VPS13A: variants seen among roughly 807,000 people sequenced by gnomAD.
VPS13A encodes vacuolar protein sorting 13 homolog A.
A neutral mutation model predicts 390.9 loss-of-function variants in VPS13A; 264 were observed. That is an observed-to-expected ratio of 0.68 (90% CI 0.61 to 0.75). The LOEUF (loss-of-function observed/expected upper bound fraction) is 0.75. VPS13A is among the 30% of genes least tolerant of loss of function. VPS13A has a pLI of 0.00. For synonymous variants in VPS13A, 1,231 were observed against 1,227.1 expected, an observed-to-expected ratio of 1.00 and a Z score of -0.07; for missense variants, 3,409 against 3,733.9, an observed-to-expected ratio of 0.91 and a Z score of 2.27.
intron 68 of VPS13A, among the ~76,000 whole-genome samples, chr9:77,386,018 AACTT>A (rs1453478704): frequency 7.2e-5 from 11 of 152,328 alleles, no homozygotes; most frequent in South Asian, 2.1e-4. Context: ...TTTGAAAACA[AACTT>A]ACTAATATGT....
At chr9:77,290,273 T>C (rs1329254122) in intron 31 of VPS13A, among the ~76,000 whole-genome samples, 1 of 152,210 alleles carries the variant, frequency 6.6e-6, no homozygotes. Flanking sequence ...ACACATACTT[T>C]TGATGAGAAA....
chr9:77,401,283 C>T (rs35848140), intron 68 of VPS13A, among the ~76,000 whole-genome samples: 3 of 151,496 alleles, frequency 2.0e-5, no homozygotes, highest in East Asian at 1.9e-4. Context: ...CACTTCTTAC[C>T]TCCTACCCCA....
chr9:77,287,445 G>A (rs1187075415), intron 31 of VPS13A, among the ~76,000 whole-genome samples: 1 of 151,838 alleles, frequency 6.6e-6, no homozygotes, highest in African/African-American at 2.4e-5. Flanking sequence ...TACCTGCCTC[G>A]GTCTCCCAAA....
intron 35 of VPS13A, among the ~76,000 whole-genome samples, chr9:77,309,877 GA>G (rs11413586): frequency 9.6e-5 from 14 of 146,258 alleles, no homozygotes; most frequent in South Asian, 8.6e-4. Context: ...TGAAGTTTCA[GA>G]AAAAAAAAAG....
chr9:77,404,019 A>C (rs1834492081), intron 69 of VPS13A, among the ~76,000 whole-genome samples: 1 of 152,208 alleles, frequency 6.6e-6, no homozygotes, highest in Non-Finnish European at 1.5e-5. Context: ...GGTGACTACT[A>C]AGCAGTCACT....
At chr9:77,295,303 G>A (rs1387605031) in intron 32 of VPS13A, among the ~76,000 whole-genome samples, 1 of 152,012 alleles carries the variant, frequency 6.6e-6, no homozygotes, top group East Asian at 1.9e-4. Context: ...ACATTCCAGT[G>A]ATCCCATTTA....
intron 31 of VPS13A, among the ~76,000 whole-genome samples, chr9:77,291,073 A>G (rs1299704230): frequency 1.3e-5 from 2 of 152,092 alleles, no homozygotes; most frequent in Non-Finnish European, 2.9e-5. Context: ...CCGGTCTGTG[A>G]CCTGTTAGGA....
chr9:77,238,947 A>G (rs1437249130), intron 19 of VPS13A, among the ~76,000 whole-genome samples: 1 of 152,110 alleles, frequency 6.6e-6, no homozygotes, highest in African/African-American at 2.4e-5. Flanking sequence ...TTCTAGCTCA[A>G]TGTATGATAT....
chr9:77,414,615 G>A (rs1448289374), intron 71 of VPS13A, among the ~76,000 whole-genome samples: 1 of 151,968 alleles, frequency 6.6e-6, no homozygotes, highest in Non-Finnish European at 1.5e-5. Context: ...AGGAGGGATA[G>A]CATTAGGAGA....
intron 47 of VPS13A, 35 bp from the exon 48 acceptor site, chr9:77,339,481 T>C: frequency 6.7e-7 from 1 of 1,501,982 alleles, no homozygotes; most frequent in South Asian, 1.3e-5. Context: ...TGCAACATTT[T>C]AAATTTTGTT....
intron 19 of VPS13A, among the ~76,000 whole-genome samples, chr9:77,240,551 C>T (rs1325617238): frequency 4.8e-5 from 7 of 145,802 alleles, no homozygotes; most frequent in African/African-American, 1.0e-4. Flanking sequence ...AATCTCGGCT[C>T]GCTGCAACCT....
chr9:77,197,663 A>G (rs1393551134), intron 1 of VPS13A, among the ~76,000 whole-genome samples: 1 of 152,178 alleles, frequency 6.6e-6, no homozygotes, highest in Non-Finnish European at 1.5e-5. Flanking sequence ...ACGTACATAT[A>G]CATAATGAGA....
At chr9:77,392,716 A>G (rs1029184319) in intron 68 of VPS13A, among the ~76,000 whole-genome samples, 12 of 150,136 alleles carry the variant, frequency 8.0e-5, no homozygotes, top group Non-Finnish European at 1.6e-4. Flanking sequence ...TTAAAAAACT[A>G]TATATACACT....
intron 44 of VPS13A, among the ~76,000 whole-genome samples, chr9:77,322,463 A>G (rs999971858): frequency 4.6e-5 from 7 of 151,960 alleles, no homozygotes; most frequent in Non-Finnish European, 1.5e-5. Flanking sequence ...TTGTGTTTCT[A>G]GTTAGAAAAT....
At chr9:77,324,294 A>G (rs1564729564) in intron 45 of VPS13A, among the ~76,000 whole-genome samples, 3 of 152,154 alleles carry the variant, frequency 2.0e-5, no homozygotes, top group Admixed American at 6.6e-5. Flanking sequence ...TATATTGCCT[A>G]TCACACTGGC....
rs1355938642 is a variant in VPS13A at position 77,307,992 on chromosome 9, T to G, written c.4008T>G (p.His1336Gln). Residue 1336 changes from histidine to glutamine, a missense_variant, in exon 35 of 72, where the codon CAT (histidine) becomes CAG (glutamine). This residue lies in a region of VPS13A where 2,717 missense variants were observed against 2,917.4 expected (regional missense o/e 0.93). Coordinates refer to ENST00000360280, the MANE Select transcript of VPS13A (RefSeq NM_033305.3). ...EDITTIFKTLHGNIWYEKDGS... is the reference protein window; with the variant it reads ...EDITTIFKTLQGNIWYEKDGS... Reference sequence around the variant, plus strand: ...TAACAACTATTTTTAAAACATTGCATGGCAATATATGGTATGAAAAAGATG... The same window carrying G: ...TAACAACTATTTTTAAAACATTGCAGGGCAATATATGGTATGAAAAAGATG... The G allele has an allele frequency of 5.6e-6, 9 of 1,603,254 alleles. No homozygotes were observed. Among genetic ancestry groups the G allele is most frequent in the Non-Finnish European group, 7.7e-6 (9 of 1,170,198 alleles).
rs201027855 is a variant in VPS13A at position 77,238,140 on chromosome 9, T to C, written c.1734T>C (p.Val578=). Residue 578 remains valine, a synonymous_variant, in exon 18 of 72, where the codon GTT becomes GTC. Coordinates refer to ENST00000360280, the MANE Select transcript of VPS13A (RefSeq NM_033305.3). The part of the protein sequence containing the change: ...TFEINPLDET[V]SQRCIIEAEP... ...AGATAAATCCATTAGATGAAACTGTTTCTCAGAGGTGTATCATAGAAGCTG... is the reference window on the plus strand; with the variant it reads ...AGATAAATCCATTAGATGAAACTGTCTCTCAGAGGTGTATCATAGAAGCTG... 4.3e-6 allele frequency: 7 copies of C among 1,613,828 alleles called. No individual in the cohort carries two copies. In the African/African-American group the frequency reaches 6.7e-5, roughly 15 times the overall value.
At position 77,220,384 on chromosome 9, in the gene VPS13A, G is replaced by GT; in HGVS notation, c.989+2dup. ...CTCTTCACCACCATGCCAGAGAATG[G>GT]TAAATGCCTTGATTTTTTTTTTTTT... On this transcript the variant is annotated splice_donor_variant, in intron 12 of 71. Coordinates refer to ENST00000360280, the MANE Select transcript of VPS13A (RefSeq NM_033305.3). LOFTEE classifies it high-confidence loss of function. The GT allele has an allele frequency of 6.3e-7, 1 of 1,588,398 alleles. No homozygotes were observed. The highest frequency in any genetic ancestry group is 8.6e-7 in the Non-Finnish European group (1 of 1,164,240).
Position 77,415,984 on chromosome 9 carries a change from G to C in VPS13A, c.9503G>C (p.Arg3168Thr), listed in dbSNP as rs1281402950. The stretch of plus-strand genomic sequence containing the variant: ...ATCCTCACAAAGCTACAAGAAGCAA[G>C]AGAACCTTCTCCGAGCCTCTGACAG... ...RWILTKLQEA[R>T]EPSPSL Residue 3168 changes from arginine (R) to threonine (T), a missense_variant, in exon 72 of 72, where the codon AGA (arginine) becomes ACA (threonine). Arg to Thr is a moderately conservative substitution (Grantham distance 71). Transcript: ENST00000360280. 6.2e-7 allele frequency: 1 copy of C among 1,613,392 alleles called. No individual in the cohort carries two copies. The highest frequency in any genetic ancestry group is 8.5e-7 in the Non-Finnish European group (1 of 1,179,588).
Sources: gnomAD v4.1 joint callset for allele counts (sites outside exome capture counted in the v4.1 genomes callset) on GRCh38, gnomAD v4.1.1 for gene constraint, gnomAD v4.1.1 regional missense constraint, MANE v1.5 for transcripts, NCBI Gene and HGNC (gene_info 2026-07-23, HGNC 2026-07-21) for gene names.